ITPR2: variants seen among roughly 807,000 people sequenced by gnomAD.
ITPR2 encodes the protein inositol 1,4,5-trisphosphate-gated calcium channel ITPR2.
Under a neutral mutation model 317.1 loss-of-function variants are expected in ITPR2, and 207 were observed. The observed-to-expected ratio is 0.65, with a 90% CI of 0.58 to 0.73. ITPR2 has a LOEUF of 0.73. Among genes scored for constraint, ITPR2 ranks in the 30% least tolerant of loss-of-function variants. The pLI is 0.00. For synonymous variants in ITPR2, 1,156 were observed against 1,149.1 expected, an observed-to-expected ratio of 1.01 and a Z score of -0.12; for missense variants, 2,613 against 3,284.0, an observed-to-expected ratio of 0.80 and a Z score of 4.99.
chr12:26,471,855 G>C (rs1177181900), intron 45 of ITPR2, among the ~76,000 whole-genome samples: 2 of 152,210 alleles, frequency 1.3e-5, no homozygotes, highest in African/African-American at 4.8e-5. Flanking sequence ...GTGGAAACTG[G>C]ACTCTACCAA....
chr12:26,559,904 C>G (rs977084471), intron 35 of ITPR2, among the ~76,000 whole-genome samples: 4 of 152,174 alleles, frequency 2.6e-5, no homozygotes, highest in Admixed American at 2.6e-4. Context: ...CAGGGCCACC[C>G]TCCCAGTAAT....
chr12:26,589,453 C>T (rs1945627843), intron 32 of ITPR2, among the ~76,000 whole-genome samples: 1 of 151,990 alleles, frequency 6.6e-6, no homozygotes, highest in Non-Finnish European at 1.5e-5. Flanking sequence ...GGTATGAGTG[C>T]TAATTTCATT....
At chr12:26,647,334 CAGA>C (rs1289035760) in intron 21 of ITPR2, among the ~76,000 whole-genome samples, 2 of 152,234 alleles carry the variant, frequency 1.3e-5, no homozygotes, top group Non-Finnish European at 2.9e-5. Context: ...TGCTGTTCCA[CAGA>C]AGATGTGTAA....
At chr12:26,437,946 T>C (rs190470888) in intron 47 of ITPR2, among the ~76,000 whole-genome samples, 32,112 of 151,642 alleles carry the variant, frequency 0.21, 3,853 homozygotes, top group East Asian at 0.41. Flanking sequence ...GGACTACAGG[T>C]GCCTGCCACC....
At chr12:26,399,839 T>C (rs1055659035) in intron 53 of ITPR2, among the ~76,000 whole-genome samples, 2 of 152,244 alleles carry the variant, frequency 1.3e-5, no homozygotes, top group Non-Finnish European at 2.9e-5. Context: ...ATGTTATTTG[T>C]GTAACAATCA....
chr12:26,583,712 G>A lies in ITPR2; in HGVS notation c.4381-3557C>T, dbSNP rs188161807. The stretch of plus-strand genomic sequence containing the variant: ...CTGTTTCATTCCTAGGTTACCTGAG[G>A]TTTGTCTTATAGTGTGTCACTAATG... On this transcript the variant is annotated intron_variant, in intron 32 of 56. Coordinates refer to ENST00000381340, the MANE Select transcript of ITPR2 (RefSeq NM_002223.4). Among the ~76,000 whole-genome samples, 252 of 152,160 alleles carry A rather than the reference G, an allele frequency of 1.7e-3. 1 individual carries two copies. Among genetic ancestry groups the A allele is most frequent in the African/African-American group, 5.8e-3 (241 of 41,524 alleles).
At chr12:26,339,888 AATG>A (rs1938047807) in intron 56 of ITPR2, among the ~76,000 whole-genome samples, 1 of 152,174 alleles carries the variant, frequency 6.6e-6, no homozygotes, top group Non-Finnish European at 1.5e-5. Flanking sequence ...CATGGCAGAA[AATG>A]ATTTTTTTTT....
At chr12:26,566,433 GAGA>G (rs1463113289) in intron 34 of ITPR2, among the ~76,000 whole-genome samples, 8 of 138,606 alleles carry the variant, frequency 5.8e-5, no homozygotes, top group African/African-American at 2.0e-4. Flanking sequence ...GAGGTAAGAG[GAGA>G]AGGAGAGGAA....
intron 8 of ITPR2, among the ~76,000 whole-genome samples, chr12:26,714,577 G>A (rs11609470): frequency 0.16 from 24,323 of 151,850 alleles, 2,691 homozygotes; most frequent in Non-Finnish European, 0.24. Flanking sequence ...TTTCATTTTA[G>A]AATATTAAAG....
chr12:26,824,907 A>G (rs1008222134), intron 1 of ITPR2, among the ~76,000 whole-genome samples: 3 of 152,216 alleles, frequency 2.0e-5, no homozygotes, highest in South Asian at 2.1e-4. Context: ...AATGCCATCA[A>G]TACATTCAAA....
At chr12:26,367,363 A>G (rs1939044696) in intron 55 of ITPR2, among the ~76,000 whole-genome samples, 1 of 152,172 alleles carries the variant, frequency 6.6e-6, no homozygotes, top group Non-Finnish European at 1.5e-5. Flanking sequence ...CAATTTGCCA[A>G]CCTGATTGAT....
intron 21 of ITPR2, among the ~76,000 whole-genome samples, chr12:26,650,002 A>G (rs1013316955): frequency 3.3e-5 from 5 of 152,326 alleles, no homozygotes; most frequent in Admixed American, 2.6e-4. Context: ...ACCAGTGACT[A>G]GAACTGTGTC....
intron 47 of ITPR2, among the ~76,000 whole-genome samples, chr12:26,438,306 CCACT>C (rs1366371639): frequency 6.6e-6 from 1 of 152,014 alleles, no homozygotes; most frequent in African/African-American, 2.4e-5. Flanking sequence ...TTCTCAAGCA[CCACT>C]CAAATTCATA....
intron 37 of ITPR2, among the ~76,000 whole-genome samples, chr12:26,531,363 T>A (rs11615475): frequency 0.15 from 23,075 of 152,188 alleles, 2,396 homozygotes; most frequent in Non-Finnish European, 0.23. Flanking sequence ...TTTTAACCAT[T>A]CATTTATCAC....
chr12:26,622,686 A>G lies in ITPR2; in HGVS notation c.3123-281T>C, dbSNP rs2306681. Among the ~76,000 whole-genome samples the G allele has an allele frequency of 2.3e-3, 344 of 152,352 alleles. 12 individuals carry two copies. The East Asian group carries it at 0.057, about 25-fold the overall frequency. ...TGGGATGAGTTGGTCACCTTGGCAT[A>G]GACAAAAGATGGGCATCTGCATCAA... On this transcript the variant is annotated intron_variant, in intron 24 of 56. Coordinates refer to ENST00000381340, the MANE Select transcript of ITPR2 (RefSeq NM_002223.4).
chr12:26,374,142 A>T (rs1373071223), intron 55 of ITPR2, among the ~76,000 whole-genome samples: 1 of 152,236 alleles, frequency 6.6e-6, no homozygotes, highest in Non-Finnish European at 1.5e-5. Context: ...AATGGATTCA[A>T]TGGTTCCAGC....
chr12:26,552,649 A>G (rs1035651404), intron 36 of ITPR2, among the ~76,000 whole-genome samples: 3 of 152,204 alleles, frequency 2.0e-5, no homozygotes, highest in Non-Finnish European at 2.9e-5. Flanking sequence ...TGGCAAGGAA[A>G]GTGAAGCCTG....
chr12:26,802,559 CTATATATAGATATAGATATAGA>C (rs1434935029), intron 1 of ITPR2, among the ~76,000 whole-genome samples: 4 of 133,566 alleles, frequency 3.0e-5, no homozygotes, highest in African/African-American at 8.5e-5. Flanking sequence ...ATATATATAT[CTATATATAGATATAGATATAGA>C]TATATCTATA....
At chr12:26,400,363 A>G (rs1940135341) in intron 52 of ITPR2, 105 bp from the exon 53 acceptor site, 1 of 490,774 alleles carries the variant, frequency 2.0e-6, no homozygotes, top group East Asian at 4.0e-5. Context: ...ATACATATAC[A>G]TAAGTATGTA....
Sources: gnomAD v4.1 joint callset for allele counts (sites outside exome capture counted in the v4.1 genomes callset) on GRCh38, gnomAD v4.1.1 for gene constraint, MANE v1.5 for transcripts, NCBI Gene and HGNC (gene_info 2026-07-23, HGNC 2026-07-21) for gene names.